The following BACH2 variants were observed in gnomAD, a reference collection of about 807,000 sequenced individuals.
The protein encoded by BACH2 is transcription regulator protein BACH2.
A neutral mutation model predicts 61.8 loss-of-function variants in BACH2; 5 were observed. The observed-to-expected ratio is 0.08, with a 90% CI of 0.04 to 0.17. The LOEUF is 0.17. BACH2 is among the 10% of genes least tolerant of loss of function. The probability of loss-of-function intolerance (pLI) is 1.00; values close to 1 mark genes in which losing one functional copy is unlikely to be tolerated. For synonymous variants in BACH2, 446 were observed against 440.1 expected, an observed-to-expected ratio of 1.01 and a Z score of -0.17; for missense variants, 824 against 1,091.1, an observed-to-expected ratio of 0.76 and a Z score of 3.45.
At chr6:90,261,755 C>T (rs1300035900) in intron 2 of BACH2, among the ~76,000 whole-genome samples, 2 of 152,128 alleles carry the variant, frequency 1.3e-5, no homozygotes, top group East Asian at 3.9e-4. Context: ...ATTAATATCG[C>T]CCCTTGATCT....
At chr6:90,049,855 G>A (rs1445604281) in intron 5 of BACH2, among the ~76,000 whole-genome samples, 1 of 152,224 alleles carries the variant, frequency 6.6e-6, no homozygotes, top group Non-Finnish European at 1.5e-5. Flanking sequence ...GCATTTGTGG[G>A]ATTCAGCGGC....
intron 4 of BACH2, among the ~76,000 whole-genome samples, chr6:90,126,259 T>C (rs112541146): frequency 1.1e-4 from 17 of 152,286 alleles, no homozygotes; most frequent in African/African-American, 4.1e-4. Context: ...CGTATTTCAG[T>C]AGCTGCTAGA....
At chr6:90,085,282 A>T (rs1166249392) in intron 5 of BACH2, among the ~76,000 whole-genome samples, 1 of 152,072 alleles carries the variant, frequency 6.6e-6, no homozygotes, top group Non-Finnish European at 1.5e-5. Context: ...CACAGCTTTC[A>T]TTTTCTACTG....
chr6:90,255,871 G>C (rs1045686983), intron 2 of BACH2, among the ~76,000 whole-genome samples: 1 of 152,174 alleles, frequency 6.6e-6, no homozygotes, highest in African/African-American at 2.4e-5. Flanking sequence ...AGTCCTGTTT[G>C]GTTGTCCAGG....
intron 5 of BACH2, among the ~76,000 whole-genome samples, chr6:90,043,216 T>C (rs1209480737): frequency 1.3e-5 from 2 of 152,140 alleles, no homozygotes; most frequent in African/African-American, 2.4e-5. Context: ...TTTGAATGTG[T>C]CCCCCAAAAG....
At chr6:90,148,782 T>C (rs1784709110) in intron 4 of BACH2, among the ~76,000 whole-genome samples, 1 of 152,226 alleles carries the variant, frequency 6.6e-6, no homozygotes, top group African/African-American at 2.4e-5. Flanking sequence ...ATTCTTTCCT[T>C]ACTTGCCTTT....
intron 4 of BACH2, among the ~76,000 whole-genome samples, chr6:90,189,209 A>C (rs1768467990): frequency 6.6e-6 from 1 of 152,248 alleles, no homozygotes; most frequent in Non-Finnish European, 1.5e-5. Context: ...TTTAAAAGGC[A>C]TATCTAAACA....
intron 4 of BACH2, among the ~76,000 whole-genome samples, chr6:90,125,987 A>G (rs762632704): frequency 1.2e-4 from 18 of 152,228 alleles, no homozygotes; most frequent in Admixed American, 7.9e-4. Context: ...GCACTATGCC[A>G]GGTGGCCAGG....
intron 5 of BACH2, among the ~76,000 whole-genome samples, chr6:90,021,972 C>A (rs960907130): frequency 1.3e-5 from 2 of 152,194 alleles, no homozygotes; most frequent in African/African-American, 4.8e-5. Context: ...TAGGAGGAAG[C>A]ACTTGCAATT....
Position 90,054,468 on chromosome 6 carries a change from G to A in BACH2, c.-13+34493C>T, listed in dbSNP as rs141603267. ...AGTTGTTTGATTAGGTAAACAAAGC[G>A]GCAGGGAAGCTCGAACTGGGTGGAG... On this transcript the variant is annotated intron_variant, in intron 5 of 8. Coordinates refer to ENST00000257749, the MANE Select transcript of BACH2 (RefSeq NM_021813.4). Among the ~76,000 whole-genome samples the A allele has an allele frequency of 8.6e-3, 1,310 of 152,310 alleles. 13 individuals carry two copies. The highest frequency in any genetic ancestry group is 0.027 in the African/African-American group (1,132 of 41,570).
intron 2 of BACH2, among the ~76,000 whole-genome samples, chr6:90,254,964 G>T (rs1275999694): frequency 6.6e-6 from 1 of 152,146 alleles, no homozygotes; most frequent in Non-Finnish European, 1.5e-5. Flanking sequence ...AATAAGTCAA[G>T]ATTGTAAATA....
intron 5 of BACH2, among the ~76,000 whole-genome samples, chr6:90,025,852 A>G (rs557490930): frequency 6.6e-6 from 1 of 152,360 alleles, no homozygotes; most frequent in East Asian, 1.9e-4. Flanking sequence ...CTCCATGGGG[A>G]AATCATTACA....
chr6:90,008,879 G>C lies in BACH2; in HGVS notation c.-12-23C>G, dbSNP rs199623287. 6.9e-6 allele frequency: 11 copies of C among 1,585,462 alleles called. No individual in the cohort carries two copies. The highest frequency in any genetic ancestry group is 9.4e-6 in the Non-Finnish European group (11 of 1,167,490). On this transcript the variant is annotated intron_variant, in intron 5 of 8. Transcript: ENST00000257749. The surrounding 1 kb of genome is among the most constrained non-coding windows in gnomAD (Gnocchi z 4.1). ...ACCCTGAAAGAAAGAAAGAAACAAA[G>C]AAAGAAAGAAAGAAAGGCTGAGTCA...
At chr6:90,045,561 T>A (rs912624848) in intron 5 of BACH2, among the ~76,000 whole-genome samples, 1 of 152,198 alleles carries the variant, frequency 6.6e-6, no homozygotes, top group African/African-American at 2.4e-5. Context: ...GATAAAATAA[T>A]CTTTGCCGTA....
In BACH2 at chr6:89,938,160, C is replaced by T. The variant is rs780989553; in HGVS notation, c.2027G>A (p.Cys676Tyr). The change falls in exon 8 of 9, where the codon TGT (cysteine) becomes TAT (tyrosine). Residue 676 changes from cysteine to tyrosine, a missense_variant. Physicochemically the swap from Cys to Tyr is radical, Grantham distance 194 (BLOSUM62 -2). This residue lies in a region of BACH2 where 160 missense variants were observed against 283.5 expected (regional missense o/e 0.56). Coordinates refer to ENST00000257749, the MANE Select transcript of BACH2 (RefSeq NM_021813.4). ...RKLDCIQNLECEIRKLVCEKE... is the reference protein window; with the variant it reads ...RKLDCIQNLEYEIRKLVCEKE... ...TCAACTCACCAATTTGCGGATTTCA[C>T]ATTCTAAATTCTGAATACAGTCCAG... 8.7e-6 allele frequency: 14 copies of T among 1,612,982 alleles called. No individual in the cohort carries two copies. Among genetic ancestry groups the T allele is most frequent in the Non-Finnish European group, 1.2e-5 (14 of 1,178,940 alleles).
At chr6:90,029,435 C>T (rs1778831342) in intron 5 of BACH2, among the ~76,000 whole-genome samples, 1 of 152,140 alleles carries the variant, frequency 6.6e-6, no homozygotes, top group African/African-American at 2.4e-5. Context: ...AGTGAGGCCT[C>T]CCTAACCACC....
intron 5 of BACH2, among the ~76,000 whole-genome samples, chr6:90,012,247 T>C (rs184734573): frequency 3.3e-4 from 51 of 152,278 alleles, no homozygotes; most frequent in Non-Finnish European, 5.7e-4. Context: ...TTGTACTGAA[T>C]CTACTGATGA....
rs971457986 is a variant in BACH2, at chr6:89,951,842, C to T, written c.264G>A (p.Gly88=). The T allele has an allele frequency of 3.7e-6, 6 of 1,612,038 alleles. No homozygotes were observed. In the Admixed American group the frequency reaches 5.0e-5, roughly 13 times the overall value. ...LPEEVTARGF[G]PLLQFAYTAK... ...CAGTGTAGGCAAACTGTAACAGCGG[C>T]CCAAAGCCCCTGGCTGTGACCTGCA... The change falls in exon 7 of 9, where the codon GGG becomes GGA. Residue 88 remains glycine, a synonymous_variant. Transcript: ENST00000257749. This position sits in a 1 kb window ranked among gnomAD's most constrained non-coding sequence, Gnocchi z 6.4.
intron 4 of BACH2, among the ~76,000 whole-genome samples, chr6:90,203,022 T>C (rs1769007896): frequency 1.3e-5 from 2 of 152,216 alleles, no homozygotes; most frequent in African/African-American, 4.8e-5. Flanking sequence ...TGTTGGTTTT[T>C]CTTACTGGCA....
Sources: allele counts gnomAD v4.1 joint callset (sites outside exome capture counted in the v4.1 genomes callset), GRCh38; gene constraint gnomAD v4.1.1; regional missense constraint gnomAD v4.1.1; non-coding constraint Gnocchi (gnomAD v3.1); transcripts MANE v1.5; gene names NCBI Gene and HGNC (gene_info 2026-07-23, HGNC 2026-07-21).